TNS1: variants seen among roughly 807,000 people sequenced by gnomAD.
TNS1 encodes the protein tensin-1.
In TNS1, 62 loss-of-function variants were observed where a neutral mutation model predicts 168.6. The observed-to-expected ratio is 0.37, with a 90% CI of 0.30 to 0.45. The LOEUF is 0.45. Ranked by LOEUF, TNS1 falls within the 20% of genes least tolerant of loss-of-function variation. The pLI, the probability that TNS1 is intolerant of heterozygous loss-of-function variation, is 1.00. For synonymous variants in TNS1, 934 were observed against 933.2 expected (o/e 1.00, Z -0.02); for missense variants, 2,240 against 2,339.4 (o/e 0.96, Z 0.88).
intron 3 of TNS1, among the ~76,000 whole-genome samples, chr2:217,964,798 G>A (rs73990644): frequency 0.043 from 6,622 of 152,246 alleles, 440 homozygotes; most frequent in African/African-American, 0.15. Flanking sequence ...GCGCCGGGCC[G>A]CGCCAGAGGA....
chr2:217,844,967 C>A (rs1946450703), intron 19 of TNS1, among the ~76,000 whole-genome samples: 1 of 152,188 alleles, frequency 6.6e-6, no homozygotes, highest in East Asian at 1.9e-4. Context: ...TAACAGACAT[C>A]CTTATTTTGT....
In TNS1 at chr2:217,813,723, G is replaced by T; in HGVS notation, c.4823C>A (p.Ser1608Tyr). The part of the protein sequence containing the change: ...RGAYGLAMKV[S>Y]SPPPTIMQQN... ...CTGCATGATGGTTGGAGGTGGCGAA[G>T]ACACCTTCATGGCCAGCCCGTACGC... Residue 1608 changes from serine (S) to tyrosine (Y), a missense_variant, in exon 26 of 33, where the codon TCT (serine) becomes TAT (tyrosine). Physicochemically the swap from Ser to Tyr is moderately radical, Grantham distance 144. Around this residue, in one of 2 missense-constraint regions of TNS1, gnomAD observed 2,131 missense variants for 2,171.2 expected, o/e 0.98. Coordinates refer to ENST00000682258, the MANE Select transcript of TNS1 (RefSeq NM_001387777.1). The surrounding 1 kb of genome is among the most constrained non-coding windows in gnomAD (Gnocchi z 4.0). The T allele has an allele frequency of 6.2e-7, 1 of 1,613,546 alleles. No homozygotes were observed. Among genetic ancestry groups the T allele is most frequent in the Non-Finnish European group, 8.5e-7 (1 of 1,179,682 alleles).
intron 3 of TNS1, among the ~76,000 whole-genome samples, chr2:217,971,448 G>A (rs1300645748): frequency 1.3e-5 from 2 of 152,156 alleles, no homozygotes; most frequent in African/African-American, 2.4e-5. Context: ...CTATGACATT[G>A]CAATTTCTTT....
In TNS1 at chr2:217,839,905, G is replaced by A. The variant is rs375238486; in HGVS notation, c.3008-3694C>T. On this transcript the variant is annotated intron_variant, in intron 19 of 32. Transcript: ENST00000682258. ...GGGCCAGGGTGCCAGAAAGCCACACGGCGATCACACTAGCAGCCCTAGGGC... is the reference window on the plus strand; with the variant it reads ...GGGCCAGGGTGCCAGAAAGCCACACAGCGATCACACTAGCAGCCCTAGGGC... Among the ~76,000 whole-genome samples the A allele has an allele frequency of 1.2e-4, 19 of 152,310 alleles. 1 individual carries two copies. The South Asian group carries it at 2.5e-3, about 20-fold the overall frequency.
At chr2:217,896,660 T>C (rs1227938807) in intron 8 of TNS1, among the ~76,000 whole-genome samples, 1 of 152,178 alleles carries the variant, frequency 6.6e-6, no homozygotes, top group Non-Finnish European at 1.5e-5. Context: ...GCCACCAGAT[T>C]TGAGGTAGAG....
Position 217,817,940 on chromosome 2 carries a change from G to A in TNS1, c.4392C>T (p.Tyr1464=). 1.2e-6 allele frequency: 2 copies of A among 1,611,864 alleles called. No individual in the cohort carries two copies. The highest frequency in any genetic ancestry group is 1.7e-6 in the Non-Finnish European group (2 of 1,178,986). ...TPSFPVSPAY[Y]PGLSSPATSP... is the part of the protein sequence containing the mutation. ...AGGTGGCAGGGCTGCTCAGGCCAGGGTAGTAGGCAGGGGAGACAGGGAAGG... is the reference window on the plus strand; with the variant it reads ...AGGTGGCAGGGCTGCTCAGGCCAGGATAGTAGGCAGGGGAGACAGGGAAGG... The change falls in exon 24 of 33, where the codon TAC becomes TAT. Residue 1464 remains tyrosine (Y), a synonymous_variant. Coordinates refer to ENST00000682258, the MANE Select transcript of TNS1 (RefSeq NM_001387777.1).
At chr2:218,002,225 A>G (rs1346800470) in intron 1 of TNS1, among the ~76,000 whole-genome samples, 1 of 152,060 alleles carries the variant, frequency 6.6e-6, no homozygotes, top group Non-Finnish European at 1.5e-5. Context: ...GCCAAGAGAG[A>G]AAGGGGGAAG....
In TNS1 at chr2:217,990,932, C is replaced by A. The variant is rs560565007; in HGVS notation, c.148+10G>T. On this transcript the variant is annotated intron_variant, in intron 2 of 32. Coordinates refer to ENST00000682258, the MANE Select transcript of TNS1 (RefSeq NM_001387777.1). ...TGCTCCCATCCCCCACAGCCCAGAC[C>A]GCTGCTCACCTTTGCAGGTGCAGCC... 1.6e-6 allele frequency: 1 copy of A among 640,706 alleles called. No homozygotes were observed. The allele number at this position is 640,706 out of a possible 1,614,324, so 39.7% of individuals were successfully genotyped here.
chr2:217,856,550 G>A (rs907663081), intron 18 of TNS1, among the ~76,000 whole-genome samples: 2 of 152,146 alleles, frequency 1.3e-5, no homozygotes, highest in African/African-American at 4.8e-5. Flanking sequence ...AGAATTAGAG[G>A]TTGAAGAGAA....
chr2:217,965,032 G>A (rs2126012641), intron 3 of TNS1, among the ~76,000 whole-genome samples: 1 of 152,320 alleles, frequency 6.6e-6, no homozygotes, highest in South Asian at 2.1e-4. Context: ...ACAACTGCAG[G>A]GGAGGGGAAT....
At chr2:217,914,232 G>C (rs1002356354) in intron 4 of TNS1, among the ~76,000 whole-genome samples, 3 of 152,194 alleles carry the variant, frequency 2.0e-5, no homozygotes, top group Non-Finnish European at 4.4e-5. Flanking sequence ...TATTTCCATA[G>C]TGTGGTTCTC....
chr2:218,022,384 G>C (rs2106010259), intron 1 of TNS1, among the ~76,000 whole-genome samples: 1 of 152,308 alleles, frequency 6.6e-6, no homozygotes, highest in African/African-American at 2.4e-5. Context: ...CCTTGGTCTG[G>C]GAGGCCCAAG....
rs1362345180 is a variant in TNS1 at position 217,810,594 on chromosome 2, A to C, written c.5033-275T>G. Among the ~76,000 whole-genome samples, 3 of 152,176 alleles carry C rather than the reference A, an allele frequency of 2.0e-5. No homozygotes were observed. The East Asian group carries it at 5.8e-4, about 29-fold the overall frequency. Reference sequence around the variant, plus strand: ...TATCTATAAAACAAAGACGATGATCATGGTACCCACGTCACTGGGTTTTTG... The same window carrying C: ...TATCTATAAAACAAAGACGATGATCCTGGTACCCACGTCACTGGGTTTTTG... On this transcript the variant is annotated intron_variant, in intron 28 of 32. Transcript: ENST00000682258.
At chr2:217,894,983 C>T in intron 9 of TNS1, 23 bp downstream of exon 9, 2 of 1,611,682 alleles carry the variant, frequency 1.2e-6, no homozygotes, top group Non-Finnish European at 1.7e-6. Flanking sequence ...TCCTCCCCTA[C>T]CCCAAAACAG....
At chr2:217,975,401 C>T (rs1185877246) in intron 3 of TNS1, among the ~76,000 whole-genome samples, 2 of 152,118 alleles carry the variant, frequency 1.3e-5, no homozygotes, top group Non-Finnish European at 2.9e-5. Flanking sequence ...CCATTTATTA[C>T]ACCATATCAC....
chr2:217,919,329 GC>G (rs1015533726), intron 4 of TNS1, among the ~76,000 whole-genome samples: 1 of 152,172 alleles, frequency 6.6e-6, no homozygotes, highest in African/African-American at 2.4e-5. Context: ...GGACAGCCAC[GC>G]CCCGCCCCAG....
At chr2:217,918,123 T>C (rs1251641661) in intron 4 of TNS1, among the ~76,000 whole-genome samples, 1 of 152,088 alleles carries the variant, frequency 6.6e-6, no homozygotes, top group Non-Finnish European at 1.5e-5. Flanking sequence ...TTTGCTCCAG[T>C]GAGGTGGGCC....
In TNS1 at chr2:217,818,065, G is replaced by A. The variant is rs756615716; in HGVS notation, c.4267C>T (p.Arg1423Trp). The A allele has an allele frequency of 1.4e-5, 22 of 1,611,232 alleles. No homozygotes were observed. The highest frequency in any genetic ancestry group is 6.6e-5 in the South Asian group (6 of 90,470). Residue 1423 changes from arginine to tryptophan, a missense_variant, in exon 24 of 33, where the codon CGG (arginine) becomes TGG (tryptophan). Coordinates refer to ENST00000682258, the MANE Select transcript of TNS1 (RefSeq NM_001387777.1). The stretch of plus-strand genomic sequence containing the variant: ...GAATAGCCACCATAGGCCACATGCC[G>A]GTCCAAGCAGGGGCTGCCGGGAACC... ...SVVPGSPCLDRHVAYGGYSTP... is the reference protein window; with the variant it reads ...SVVPGSPCLDWHVAYGGYSTP...
At chr2:217,910,344 C>T (rs1433691128) in intron 4 of TNS1, among the ~76,000 whole-genome samples, 2 of 152,100 alleles carry the variant, frequency 1.3e-5, no homozygotes, top group African/African-American at 2.4e-5. Flanking sequence ...CCACCCCCTG[C>T]ACCATCTAAA....
Sources: gnomAD v4.1 joint callset for allele counts (sites outside exome capture counted in the v4.1 genomes callset) on GRCh38, gnomAD v4.1.1 for gene constraint, gnomAD v4.1.1 regional missense constraint, Gnocchi (gnomAD v3.1) non-coding constraint, MANE v1.5 for transcripts, NCBI Gene and HGNC (gene_info 2026-07-23, HGNC 2026-07-21) for gene names.